The following DLG2 variants were observed in gnomAD, a reference collection of about 807,000 sequenced individuals.
The protein encoded by DLG2 is disks large homolog 2.
DLG2 carries 45 observed loss-of-function variants against 132.5 expected under a neutral mutation model. The observed-to-expected ratio is 0.34, with a 90% CI of 0.27 to 0.44. The LOEUF (loss-of-function observed/expected upper bound fraction) is 0.44, where lower values mean the gene tolerates loss of function less well. Ranked by LOEUF, DLG2 falls within the 20% of genes least tolerant of loss-of-function variation. DLG2 has a pLI of 1.00. For synonymous variants in DLG2, 424 were observed against 419.6 expected (o/e 1.01, Z -0.13); for missense variants, 1,045 against 1,196.9 (o/e 0.87, Z 1.87).
intron 21 of DLG2, among the ~76,000 whole-genome samples, chr11:83,492,446 T>C (rs907510798): frequency 2.0e-5 from 3 of 151,980 alleles, no homozygotes; most frequent in African/African-American, 7.2e-5. Flanking sequence ...GCTAGGAGCC[T>C]TCCCTGTCTC....
At chr11:84,756,478 C>T (rs2066889873) in intron 6 of DLG2, among the ~76,000 whole-genome samples, 1 of 152,158 alleles carries the variant, frequency 6.6e-6, no homozygotes, top group South Asian at 2.1e-4. Flanking sequence ...AGCAAACAGA[C>T]CTGGGCTTGC....
intron 2 of DLG2, among the ~76,000 whole-genome samples, chr11:85,614,470 G>A (rs1260883987): frequency 2.6e-5 from 4 of 152,016 alleles, no homozygotes; most frequent in South Asian, 4.1e-4. Context: ...GAGAAACCCC[G>A]TTTTTACTAA....
chr11:84,905,296 T>A (rs1169801470), intron 6 of DLG2, among the ~76,000 whole-genome samples: 1 of 152,188 alleles, frequency 6.6e-6, no homozygotes, highest in East Asian at 1.9e-4. Flanking sequence ...TAGTCTCTCC[T>A]CCAATGTTAA....
At chr11:83,573,475 C>G (rs117837957) in intron 19 of DLG2, among the ~76,000 whole-genome samples, 63 of 152,172 alleles carry the variant, frequency 4.1e-4, no homozygotes, top group Non-Finnish European at 6.5e-4. Flanking sequence ...CTATTTACTA[C>G]TAAAATGATT....
chr11:85,198,085 C>G (rs141519648), intron 4 of DLG2, among the ~76,000 whole-genome samples: 2 of 152,006 alleles, frequency 1.3e-5, no homozygotes, highest in East Asian at 1.9e-4. Context: ...CTAGCCAACA[C>G]CTAAGACAGT....
chr11:85,348,535 T>C (rs578209447), intron 3 of DLG2, among the ~76,000 whole-genome samples: 2 of 152,274 alleles, frequency 1.3e-5, no homozygotes, highest in South Asian at 2.1e-4. Context: ...AGAAGCATTC[T>C]GAATTTATGA....
intron 18 of DLG2, among the ~76,000 whole-genome samples, chr11:83,774,525 G>A (rs1364401438): frequency 2.6e-5 from 4 of 152,056 alleles, no homozygotes; most frequent in Admixed American, 2.6e-4. Flanking sequence ...GGTGGAGCTG[G>A]AATTTGAACA....
At chr11:84,337,709 C>T (rs959956243) in intron 7 of DLG2, among the ~76,000 whole-genome samples, 1 of 152,108 alleles carries the variant, frequency 6.6e-6, no homozygotes, top group Non-Finnish European at 1.5e-5. Context: ...TTCCTTGTAT[C>T]TTCTTATCCT....
At chr11:83,943,260 T>C (rs757167437) in intron 14 of DLG2, among the ~76,000 whole-genome samples, 1 of 152,206 alleles carries the variant, frequency 6.6e-6, no homozygotes, top group Non-Finnish European at 1.5e-5. Flanking sequence ...AATTTGTCAA[T>C]TATACCTCAA....
chr11:83,821,106 A>T (rs1222264711), intron 17 of DLG2, among the ~76,000 whole-genome samples: 1 of 152,360 alleles, frequency 6.6e-6, no homozygotes, highest in East Asian at 1.9e-4. Context: ...TGATGCAGAC[A>T]TAACGCTTAT....
In DLG2 at chr11:85,409,687, T is replaced by G. The variant is rs187553722; in HGVS notation, c.41-124322A>C. On this transcript the variant is annotated intron_variant, in intron 3 of 27. Transcript: ENST00000376104. ...TGCCAATGGGAGGCAGTTATATATC[T>G]GGGGGGGTGGAGAAATACCGAATAC... is the stretch of plus-strand genomic sequence containing the variant. 8.3e-3 allele frequency among the ~76,000 whole-genome samples: 1,255 copies of G among 151,812 alleles called. 15 individuals carry two copies. The highest frequency in any genetic ancestry group is 0.028 in the African/African-American group (1,180 of 41,468).
At chr11:85,540,246 G>C (rs913745630) in intron 3 of DLG2, among the ~76,000 whole-genome samples, 1 of 152,076 alleles carries the variant, frequency 6.6e-6, no homozygotes, top group Non-Finnish European at 1.5e-5. Flanking sequence ...CATTTTCCAA[G>C]ACCACTCTGG....
chr11:85,416,180 G>A (rs956360332), intron 3 of DLG2, among the ~76,000 whole-genome samples: 2 of 151,730 alleles, frequency 1.3e-5, no homozygotes, highest in Non-Finnish European at 2.9e-5. Context: ...TCAGATGGTT[G>A]TAGATGTGTG....
At chr11:84,328,037 C>G (rs2098441075) in intron 7 of DLG2, among the ~76,000 whole-genome samples, 1 of 152,168 alleles carries the variant, frequency 6.6e-6, no homozygotes, top group African/African-American at 2.4e-5. Flanking sequence ...TCCCCCAACT[C>G]TTCCCGTTCT....
intron 7 of DLG2, among the ~76,000 whole-genome samples, chr11:84,391,308 A>C (rs1045774722): frequency 6.6e-6 from 1 of 152,200 alleles, no homozygotes; most frequent in Non-Finnish European, 1.5e-5. Context: ...TTATATAAAA[A>C]ATATGAAATA....
intron 16 of DLG2, 121 bp from the exon 17 acceptor site, chr11:83,833,891 T>C (rs1595131032): frequency 9.5e-7 from 1 of 1,047,936 alleles, no homozygotes; most frequent in South Asian, 2.2e-5. Flanking sequence ...TTTCTCAAAC[T>C]AAGATAACAT....
intron 6 of DLG2, among the ~76,000 whole-genome samples, chr11:85,105,155 T>G (rs1445610729): frequency 6.6e-6 from 1 of 151,962 alleles, no homozygotes; most frequent in African/African-American, 2.4e-5. Flanking sequence ...AATACATGTC[T>G]ATGTGTTTTC....
intron 7 of DLG2, among the ~76,000 whole-genome samples, chr11:84,401,594 A>G (rs2098829511): frequency 6.6e-6 from 1 of 152,118 alleles, no homozygotes; most frequent in Non-Finnish European, 1.5e-5. Flanking sequence ...TACTCAATGT[A>G]AATATCTATG....
chr11:84,944,903 T>A (rs759774653), intron 6 of DLG2, among the ~76,000 whole-genome samples: 6 of 152,188 alleles, frequency 3.9e-5, no homozygotes, highest in Non-Finnish European at 7.4e-5. Flanking sequence ...GTGCCCGATC[T>A]TGTTAAGTTT....
Sources: gnomAD v4.1 joint callset for allele counts (sites outside exome capture counted in the v4.1 genomes callset) on GRCh38, gnomAD v4.1.1 for gene constraint, MANE v1.5 for transcripts, NCBI Gene and HGNC (gene_info 2026-07-23, HGNC 2026-07-21) for gene names.